Variants in KIF17 observed in about 807,000 individuals in gnomAD.
The protein encoded by KIF17 is kinesin-like protein KIF17.
A neutral mutation model predicts 96.8 loss-of-function variants in KIF17; 80 were observed. The ratio of observed to expected loss-of-function variants is 0.83; its 90% CI spans 0.69 to 1.00. The LOEUF is 1.00. KIF17 is among the 50% of genes least tolerant of loss of function. The probability of loss-of-function intolerance (pLI) is 0.00; values close to 1 mark genes in which losing one functional copy is unlikely to be tolerated. For missense variants in KIF17, 1,280 were observed against 1,372.9 expected, an observed-to-expected ratio of 0.93 and a Z score of 1.07; for synonymous variants, 567 against 587.5, an observed-to-expected ratio of 0.97 and a Z score of 0.51.
At chr1:20,676,839 AAAAT>A (rs1406762961) in intron 11 of KIF17, among the ~76,000 whole-genome samples, 1 of 152,100 alleles carries the variant, frequency 6.6e-6, no homozygotes, top group African/African-American at 2.4e-5. Flanking sequence ...TCAGAAAAAT[AAAAT>A]AAAATAAACA....
Position 20,682,972 on chromosome 1 carries a change from C to A in KIF17, c.2232-88G>T, listed in dbSNP as rs1018639912. 4.5e-6 allele frequency: 5 copies of A among 1,115,960 alleles called. No homozygotes were observed. In the Admixed American group the frequency reaches 7.9e-5, roughly 18 times the overall value. 69.1% of individuals were successfully genotyped at this position (1,115,960 alleles called of 1,614,324 possible). ...CAGCAGGCTCCAGGCTATGCGTGGG[C>A]CCCCCAGATCCTTCCAACAACCCCA... is the stretch of plus-strand genomic sequence containing the variant. On this transcript the variant is annotated intron_variant, in intron 10 of 14. Coordinates refer to ENST00000400463, the MANE Select transcript of KIF17 (RefSeq NM_001122819.3).
rs565815003 is a variant in KIF17 at position 20,676,740 on chromosome 1, A to G, written c.2464-4544T>C. On this transcript the variant is annotated intron_variant, in intron 11 of 14. Coordinates refer to ENST00000400463, the MANE Select transcript of KIF17 (RefSeq NM_001122819.3). ...CAGCTACTTGGGAGGCTGAGGCAGGAGAATCACTTGAACCTGGGGGGCGAA... is the reference window on the plus strand; with the variant it reads ...CAGCTACTTGGGAGGCTGAGGCAGGGGAATCACTTGAACCTGGGGGGCGAA... Among the ~76,000 whole-genome samples, 16 of 152,246 alleles carry G rather than the reference A, an allele frequency of 1.1e-4. 1 individual carries two copies. In the South Asian group the frequency reaches 2.9e-3, roughly 28 times the overall value.
Position 20,676,630 on chromosome 1 carries a change from G to A in KIF17, c.2464-4434C>T, listed in dbSNP as rs531669303. On this transcript the variant is annotated intron_variant, in intron 11 of 14. Coordinates refer to ENST00000400463, the MANE Select transcript of KIF17 (RefSeq NM_001122819.3). ...GCGGATCACTTGAGGTCAGGAGTTC[G>A]AGACCAGCCTGGCCAACATGGTGAA... 1.6e-4 allele frequency among the ~76,000 whole-genome samples: 25 copies of A among 152,110 alleles called. No individual in the cohort carries two copies. In the East Asian group the frequency reaches 4.5e-3, roughly 27 times the overall value.
intron 13 of KIF17, among the ~76,000 whole-genome samples, chr1:20,669,336 G>C (rs2053594407): frequency 6.6e-6 from 1 of 151,948 alleles, no homozygotes; most frequent in South Asian, 2.1e-4. Context: ...AGGAGATCGA[G>C]ACCATCCTGG....
chr1:20,671,223 A>C (rs1296915414), intron 12 of KIF17, among the ~76,000 whole-genome samples: 1 of 152,220 alleles, frequency 6.6e-6, no homozygotes, highest in Non-Finnish European at 1.5e-5. Flanking sequence ...CGTAAGGATG[A>C]ACCAGTGACA....
rs2054612992 is a variant in KIF17, at chr1:20,717,863, G to C, written c.-157C>G. On this transcript the variant is annotated 5_prime_UTR_variant, in exon 1 of 15. Transcript: ENST00000400463. ...GCGGGGGGCGGGGACCCCTCGGGGG[G>C]CGCCCCGGAGGGGAGCTGGGCGTCG... 2.4e-6 allele frequency: 1 copy of C among 424,590 alleles called. No individual in the cohort carries two copies. Among genetic ancestry groups the C allele is most frequent in the East Asian group, 8.3e-5 (1 of 12,084 alleles). The allele number at this position is 424,590 out of a possible 1,614,324, so 26.3% of individuals were successfully genotyped here. A position where few individuals can be genotyped will look rare whatever the true frequency, so the allele number is the denominator to read the frequency against.
At chr1:20,698,550 A>C in intron 5 of KIF17, 62 bp from the exon 6 acceptor site, 1 of 1,111,570 alleles carries the variant, frequency 9.0e-7, no homozygotes, top group South Asian at 1.2e-5. Context: ...GGAACTAAGC[A>C]GAAATCTATA....
downstream of KIF17, among the ~76,000 whole-genome samples, chr1:20,663,526 T>C (rs868069054): frequency 6.6e-6 from 1 of 152,200 alleles, no homozygotes; most frequent in African/African-American, 2.4e-5. Flanking sequence ...ATTTCACAGA[T>C]GAGGCTCAGA....
In KIF17 at chr1:20,717,798, G is replaced by A. The variant is rs990061141; in HGVS notation, c.-92C>T. On this transcript the variant is annotated 5_prime_UTR_variant, in exon 1 of 15. Coordinates refer to ENST00000400463, the MANE Select transcript of KIF17 (RefSeq NM_001122819.3). ...GGGCCAAGGGGCGGGGCCAGCGCCG[G>A]CCACGGGGGGCGGGGCCTTGAGGCA... 31 of 1,329,794 alleles carry A rather than the reference G, an allele frequency of 2.3e-5. No homozygotes were observed. The African/African-American group carries it at 3.4e-4, about 15-fold the overall frequency. 82.4% of individuals were successfully genotyped at this position (1,329,794 alleles called of 1,614,324 possible). A position where few individuals can be genotyped will look rare whatever the true frequency, so the allele number is the denominator to read the frequency against.
chr1:20,694,796 C>G (rs902032846), intron 6 of KIF17, among the ~76,000 whole-genome samples: 1 of 152,164 alleles, frequency 6.6e-6, no homozygotes, highest in Non-Finnish European at 1.5e-5. Flanking sequence ...GACCAGGCAG[C>G]TCCTCAGAGC....
intron 7 of KIF17, among the ~76,000 whole-genome samples, chr1:20,689,281 A>C (rs1330326240): frequency 6.6e-6 from 1 of 152,182 alleles, no homozygotes; most frequent in Non-Finnish European, 1.5e-5. Flanking sequence ...GAGTGCTAGG[A>C]AGTCTGGACC....
In KIF17 at chr1:20,704,941, C is replaced by T. The variant is rs745558176; in HGVS notation, c.671-42G>A. 69 of 1,563,964 alleles carry T rather than the reference C, an allele frequency of 4.4e-5. No individual in the cohort carries two copies. The South Asian group carries it at 5.1e-4, about 12-fold the overall frequency. ...CAAAGTGGCGAGGGCCTCGGGTGAG[C>T]CCTATGTATCGAGGGCAATCAGTGC... On this transcript the variant is annotated intron_variant, in intron 4 of 14. Coordinates refer to ENST00000400463, the MANE Select transcript of KIF17 (RefSeq NM_001122819.3). This position sits in a 1 kb window ranked among gnomAD's most constrained non-coding sequence, Gnocchi z 6.8.
At chr1:20,703,474 GGATAGATGGATA>G (rs1447134592) in intron 5 of KIF17, among the ~76,000 whole-genome samples, 1 of 94,764 alleles carries the variant, frequency 1.1e-5, no homozygotes, top group African/African-American at 5.5e-5. Context: ...ATGGGAGGAT[GGATAGATGGATA>G]GATGGATGGA....
rs201078177 is a variant in KIF17 at position 20,704,746 on chromosome 1, G to T, written c.824C>A (p.Ser275Ter). 1 of 1,612,644 alleles carries T rather than the reference G, an allele frequency of 6.2e-7. No homozygotes were observed. Among genetic ancestry groups the T allele is most frequent in the Non-Finnish European group, 8.5e-7 (1 of 1,179,306 alleles). Residue 275 changes from serine (S) to a stop codon, truncating the protein, a stop_gained, in exon 5 of 15, where the codon TCG becomes TAG. Coordinates refer to ENST00000400463, the MANE Select transcript of KIF17 (RefSeq NM_001122819.3). LOFTEE classifies it high-confidence loss of function. The surrounding 1 kb of genome is among the most constrained non-coding windows in gnomAD (Gnocchi z 6.8). ...LSLSALGNVI[S>*]ALVDGRCKHV... The stretch of plus-strand genomic sequence containing the variant: ...CTTACAGCGCCCGTCCACCAGCGCC[G>T]AGATGACATTGCCCAGTGCCGAGAG...
At chr1:20,706,473 C>T (rs2054342565) in intron 4 of KIF17, among the ~76,000 whole-genome samples, 1 of 151,948 alleles carries the variant, frequency 6.6e-6, no homozygotes, top group Non-Finnish European at 1.5e-5. Context: ...TGCCTGTAAT[C>T]CCAGCTACTC....
chr1:20,666,576 C>T (rs936739655), intron 13 of KIF17, among the ~76,000 whole-genome samples: 10 of 152,190 alleles, frequency 6.6e-5, no homozygotes, highest in Non-Finnish European at 1.2e-4. Context: ...CCGGCCTCCC[C>T]TTCCTTGAGA....
rs767071230 is a variant in KIF17, at chr1:20,717,729, G to A, written c.-23C>T. On this transcript the variant is annotated 5_prime_UTR_variant, in exon 1 of 15. Transcript: ENST00000400463. ...CATGGCGCCGCGCCCAGGACCAACG[G>A]GACCAGAGCTGACCCCCGCCCCGCC... 3.9e-6 allele frequency: 6 copies of A among 1,542,616 alleles called. No homozygotes were observed. The African/African-American group carries it at 6.9e-5, about 18-fold the overall frequency.
Position 20,704,986 on chromosome 1 carries a change from G to T in KIF17, c.671-87C>A. The stretch of plus-strand genomic sequence containing the variant: ...CAGTGCCAGGCACTGGGTGCTCAAT[G>T]CCCACCCACCGAGGGTTCCCCTCAG... On this transcript the variant is annotated intron_variant, in intron 4 of 14. Coordinates refer to ENST00000400463, the MANE Select transcript of KIF17 (RefSeq NM_001122819.3). The surrounding 1 kb of genome is among the most constrained non-coding windows in gnomAD (Gnocchi z 6.8). 1 of 1,207,812 alleles carries T rather than the reference G, an allele frequency of 8.3e-7. No homozygotes were observed. The highest frequency in any genetic ancestry group is 1.2e-6 in the Non-Finnish European group (1 of 833,120). 74.8% of individuals were successfully genotyped at this position (1,207,812 alleles called of 1,614,324 possible). A position where few individuals can be genotyped will look rare whatever the true frequency, so the allele number is the denominator to read the frequency against.
In KIF17 at chr1:20,699,434, C is replaced by T. The variant is rs710314; in HGVS notation, c.1124-946G>A. Among the ~76,000 whole-genome samples the T allele has an allele frequency of 0.042, 6,452 of 152,150 alleles. 461 individuals carry two copies. The highest frequency in any genetic ancestry group is 0.15 in the African/African-American group (6,048 of 41,490). Reference sequence around the variant, plus strand: ...TACAAAAATTAGCTAGGCATGGTGGCGGGAGCCTGTAATCCCAGCTACTCA... The same window carrying T: ...TACAAAAATTAGCTAGGCATGGTGGTGGGAGCCTGTAATCCCAGCTACTCA... On this transcript the variant is annotated intron_variant, in intron 5 of 14. Transcript: ENST00000400463. The surrounding 1 kb of genome is among the most constrained non-coding windows in gnomAD (Gnocchi z 4.3).
Sources: allele counts gnomAD v4.1 joint callset (sites outside exome capture counted in the v4.1 genomes callset), GRCh38; gene constraint gnomAD v4.1.1; non-coding constraint Gnocchi (gnomAD v3.1); transcripts MANE v1.5; gene names NCBI Gene and HGNC (gene_info 2026-07-23, HGNC 2026-07-21).